Variants in SLC22A4 observed in about 807,000 individuals in gnomAD.
SLC22A4 encodes solute carrier family 22 member 4.
SLC22A4 carries 39 observed loss-of-function variants against 56.6 expected under a neutral mutation model. That is an observed-to-expected ratio of 0.69 (90% confidence interval 0.53 to 0.90). SLC22A4 has a LOEUF of 0.90. Among genes scored for constraint, SLC22A4 ranks in the 40% least tolerant of loss-of-function variants. The pLI is 0.00. For missense variants in SLC22A4, 594 were observed against 696.5 expected, an observed-to-expected ratio of 0.85 and a Z score of 1.66; for synonymous variants, 241 against 281.4, an observed-to-expected ratio of 0.86 and a Z score of 1.44.
At chr5:132,331,931 GACA>G in intron 6 of SLC22A4, 81 bp downstream of exon 6, 2 of 901,526 alleles carry the variant, frequency 2.2e-6, no homozygotes, top group South Asian at 1.3e-5. Context: ...GGAACATTAT[GACA>G]ACGACTGGGT....
At chr5:132,336,083 T>G in intron 8 of SLC22A4, 83 bp downstream of exon 8, 1 of 1,356,532 alleles carries the variant, frequency 7.4e-7, no homozygotes, top group Non-Finnish European at 1.1e-6. Flanking sequence ...AAATGTCAAA[T>G]AGCATAGAAT....
intron 4 of SLC22A4, among the ~76,000 whole-genome samples, chr5:132,325,255 A>G (rs1395483574): frequency 6.6e-6 from 1 of 152,242 alleles, no homozygotes; most frequent in Non-Finnish European, 1.5e-5. Context: ...CTAATTCTGC[A>G]CTAATATAGT....
At chr5:132,310,566 T>C (rs1393091644) in intron 1 of SLC22A4, among the ~76,000 whole-genome samples, 4 of 152,240 alleles carry the variant, frequency 2.6e-5, no homozygotes, top group Non-Finnish European at 5.9e-5. Flanking sequence ...ATCCTTGGAT[T>C]GTGCCTGAGC....
At position 132,294,860 on chromosome 5, in the gene SLC22A4, A is replaced by C. The variant is rs546926504; in HGVS notation, c.244A>C (p.Ser82Arg). Residue 82 changes from serine (S) to arginine (R), a missense_variant, in exon 1 of 10, where the codon AGC (serine) becomes CGC (arginine). Physicochemically the swap from Ser to Arg is moderately radical, Grantham distance 110 (BLOSUM62 -1). Transcript: ENST00000200652. This position sits in a 1 kb window ranked among gnomAD's most constrained non-coding sequence, Gnocchi z 5.6. ...RDGREVPHSC[S>R]RYRLATIANF... is the part of the protein sequence containing the mutation. ...CGGCCGCGAGGTGCCCCACAGCTGC[A>C]GCCGCTACCGGCTCGCCACCATCGC... 2.1e-5 allele frequency: 33 copies of C among 1,607,486 alleles called. No individual in the cohort carries two copies. Among genetic ancestry groups the C allele is most frequent in the Admixed American group, 1.3e-4 (8 of 59,430 alleles).
At chr5:132,336,130 C>A in intron 8 of SLC22A4, 130 bp downstream of exon 8, 2 of 921,954 alleles carry the variant, frequency 2.2e-6, no homozygotes, top group Non-Finnish European at 3.4e-6. Context: ...TCTCCTCTCC[C>A]AGGAGGAGCT....
chr5:132,333,423 G>C (rs1235593197), intron 6 of SLC22A4, among the ~76,000 whole-genome samples: 1 of 152,252 alleles, frequency 6.6e-6, no homozygotes, highest in Non-Finnish European at 1.5e-5. Context: ...GAGCAGGTGA[G>C]GGATCAGAGG....
intron 1 of SLC22A4, 60 bp downstream of exon 1, chr5:132,295,069 C>G: frequency 6.5e-7 from 1 of 1,536,978 alleles, no homozygotes; most frequent in Non-Finnish European, 8.8e-7. Context: ...TGCGTCAGCC[C>G]CCCTTGAGAC....
In SLC22A4 at chr5:132,343,847, C is replaced by T. The variant is rs1751289661; in HGVS notation, c.*12C>T. 7.1e-6 allele frequency: 11 copies of T among 1,547,874 alleles called. No homozygotes were observed. The highest frequency in any genetic ancestry group is 8.9e-6 in the Non-Finnish European group (10 of 1,122,428). ...TAACTGCATTCTGAAAAAATATCTA[C>T]CCCATTTGGTGAAGTGAAAAACAGA... On this transcript the variant is annotated 3_prime_UTR_variant, in exon 10 of 10. Transcript: ENST00000200652.
intron 9 of SLC22A4, among the ~76,000 whole-genome samples, chr5:132,342,349 T>A (rs75315916): frequency 1.3e-5 from 2 of 152,168 alleles, no homozygotes; most frequent in Non-Finnish European, 2.9e-5. Flanking sequence ...GTCCAATATA[T>A]ACATGAAAAA....
At chr5:132,342,229 T>G (rs1751240647) in intron 9 of SLC22A4, among the ~76,000 whole-genome samples, 1 of 152,124 alleles carries the variant, frequency 6.6e-6, no homozygotes, top group South Asian at 2.1e-4. Context: ...AAGGCTAATA[T>G]ACTTAATATA....
At chr5:132,297,359 T>A (rs1749803803) in intron 1 of SLC22A4, among the ~76,000 whole-genome samples, 1 of 151,794 alleles carries the variant, frequency 6.6e-6, no homozygotes, top group Non-Finnish European at 1.5e-5. Context: ...AAAACTGGGC[T>A]CTGGTGGTTG....
chr5:132,322,481 C>T, intron 4 of SLC22A4, 126 bp downstream of exon 4: 1 of 907,524 alleles, frequency 1.1e-6, no homozygotes, highest in Admixed American at 1.9e-5. Flanking sequence ...AGGCCAGCTT[C>T]CAAGCCGGGA....
intron 3 of SLC22A4, among the ~76,000 whole-genome samples, chr5:132,321,928 T>A (rs901025964): frequency 1.3e-5 from 2 of 151,400 alleles, no homozygotes; most frequent in African/African-American, 2.4e-5. Context: ...ATAATAATAA[T>A]AAATTAATTA....
At position 132,329,944 on chromosome 5, in the gene SLC22A4, C is replaced by T. The variant is rs570578410; in HGVS notation, c.952-1812C>T. On this transcript the variant is annotated intron_variant, in intron 5 of 9. Transcript: ENST00000200652. ...GGCAACCTGCATTTAAGAAGGGCCC[C>T]GTGGAACCACCAAGTATTAGCACAG... is the stretch of plus-strand genomic sequence containing the variant. 4.6e-5 allele frequency among the ~76,000 whole-genome samples: 7 copies of T among 152,292 alleles called. No individual in the cohort carries two copies. The East Asian group carries it at 9.6e-4, about 21-fold the overall frequency.
chr5:132,295,695 A>G (rs1749764288), intron 1 of SLC22A4: 1 of 198,060 alleles, frequency 5.0e-6, no homozygotes, highest in Admixed American at 5.3e-5. Flanking sequence ...AGTTCCAGGA[A>G]TGAGGATGCA....
intron 9 of SLC22A4, among the ~76,000 whole-genome samples, chr5:132,341,534 G>T (rs1372204164): frequency 6.6e-6 from 1 of 152,148 alleles, no homozygotes; most frequent in Non-Finnish European, 1.5e-5. Context: ...TAAAACCCAA[G>T]AAAATATAAA....
intron 1 of SLC22A4, among the ~76,000 whole-genome samples, chr5:132,297,267 G>A (rs1580816763): frequency 6.6e-6 from 1 of 152,236 alleles, no homozygotes; most frequent in East Asian, 1.9e-4. Context: ...GCAGTGAGCT[G>A]AGATCACACC....
intron 9 of SLC22A4, 27 bp from the exon 10 acceptor site, chr5:132,343,733 T>C: frequency 7.0e-7 from 1 of 1,437,178 alleles, no homozygotes; most frequent in Non-Finnish European, 9.8e-7. Context: ...AATATTTAAT[T>C]TTCCTTAGCA....
chr5:132,311,202 G>C (rs1561537482), intron 1 of SLC22A4: 1 of 152,198 alleles, frequency 6.6e-6, no homozygotes, highest in Non-Finnish European at 1.5e-5. Flanking sequence ...GGCTGGGTGG[G>C]AGGCAGGGGT....
Sources: gnomAD v4.1 joint callset for allele counts (sites outside exome capture counted in the v4.1 genomes callset) on GRCh38, gnomAD v4.1.1 for gene constraint, Gnocchi (gnomAD v3.1) non-coding constraint, MANE v1.5 for transcripts, NCBI Gene and HGNC (gene_info 2026-07-23, HGNC 2026-07-21) for gene names.